Variants in GPBP1 observed in about 807,000 individuals in gnomAD.
GPBP1 encodes vasculin.
Under a neutral mutation model 56.5 loss-of-function variants are expected in GPBP1, and 13 were observed. The observed-to-expected ratio is 0.23, with a 90% CI of 0.15 to 0.37. The LOEUF is 0.37. Ranked by LOEUF, GPBP1 falls within the 10% of genes least tolerant of loss-of-function variation. The pLI is 1.00. For synonymous variants in GPBP1, 204 were observed against 188.9 expected, an observed-to-expected ratio of 1.08 and a Z score of -0.66; for missense variants, 477 against 572.3, an observed-to-expected ratio of 0.83 and a Z score of 1.70.
chr5:57,247,994 C>T (rs1379665944), intron 8 of GPBP1, among the ~76,000 whole-genome samples: 5 of 152,178 alleles, frequency 3.3e-5, no homozygotes, highest in Non-Finnish European at 4.4e-5. Flanking sequence ...CCTCTCTCCT[C>T]AGCTTCCCAG....
chr5:57,229,334 T>C (rs1399813945), intron 3 of GPBP1, among the ~76,000 whole-genome samples: 2 of 151,474 alleles, frequency 1.3e-5, no homozygotes, highest in Admixed American at 1.3e-4. Context: ...GGTGCCAGCT[T>C]TGTTCTAATC....
intron 10 of GPBP1, 64 bp downstream of exon 10, chr5:57,251,205 T>C: frequency 7.4e-7 from 1 of 1,348,504 alleles, no homozygotes; most frequent in Non-Finnish European, 1.0e-6. Flanking sequence ...TATTATAGAG[T>C]TTTTACGTGA....
At chr5:57,232,022 TG>T (rs1181966028) in intron 5 of GPBP1, among the ~76,000 whole-genome samples, 1 of 151,848 alleles carries the variant, frequency 6.6e-6, no homozygotes, top group Non-Finnish European at 1.5e-5. Flanking sequence ...TGTATCAGGG[TG>T]GGGGGTGGTG....
rs1389649452 is a variant in GPBP1 at position 57,205,629 on chromosome 5, G to A, written c.-57-8445G>A. On this transcript the variant is annotated intron_variant, in intron 2 of 11. Coordinates refer to ENST00000506184, the MANE Select transcript of GPBP1 (RefSeq NM_022913.4). ...TGATTATAGCCATTCTAGTGGGAGCGAAGTAGTATTTCATTGTGGTTTTGA... is the reference window on the plus strand; with the variant it reads ...TGATTATAGCCATTCTAGTGGGAGCAAAGTAGTATTTCATTGTGGTTTTGA... Among the ~76,000 whole-genome samples, 4 of 150,390 alleles carry A rather than the reference G, an allele frequency of 2.7e-5. No homozygotes were observed. In the South Asian group the frequency reaches 8.4e-4, roughly 32 times the overall value.
At chr5:57,221,385 A>C (rs1024151324) in intron 3 of GPBP1, 1 of 1,529,686 alleles carries the variant, frequency 6.5e-7, no homozygotes, top group Non-Finnish European at 8.9e-7. Flanking sequence ...GGTCCTGACC[A>C]GCAGTTTGAA....
rs908236698 is a variant in GPBP1, at chr5:57,264,329, G to A, written c.*1577G>A. Reference sequence around the variant, plus strand: ...AGAATTAGCCACAGGAGAATGTAAAGCATGCTTTGACGAAGCTATCGGTAA... The same window carrying A: ...AGAATTAGCCACAGGAGAATGTAAAACATGCTTTGACGAAGCTATCGGTAA... On this transcript the variant is annotated 3_prime_UTR_variant, in exon 12 of 12. Coordinates refer to ENST00000506184, the MANE Select transcript of GPBP1 (RefSeq NM_022913.4). 2 of 152,158 alleles carry A rather than the reference G, an allele frequency of 1.3e-5. No individual in the cohort carries two copies. The highest frequency in any genetic ancestry group is 4.8e-5 in the African/African-American group (2 of 41,446). 9.4% of individuals were successfully genotyped at this position (152,158 alleles called of 1,614,324 possible).
intron 6 of GPBP1, 103 bp downstream of exon 6, chr5:57,236,135 T>C: frequency 2.7e-6 from 2 of 747,480 alleles, no homozygotes; most frequent in Non-Finnish European, 4.5e-6. Flanking sequence ...AATAAAACTT[T>C]CTTTTTAAAG....
At chr5:57,186,649 G>A (rs4540131) in intron 2 of GPBP1, among the ~76,000 whole-genome samples, 6 of 152,066 alleles carry the variant, frequency 3.9e-5, no homozygotes, top group Non-Finnish European at 7.4e-5. Context: ...ACAGGTCTCT[G>A]CAGCTTTGAC....
At chr5:57,236,772 T>C (rs1437123496) in intron 6 of GPBP1, among the ~76,000 whole-genome samples, 1 of 152,176 alleles carries the variant, frequency 6.6e-6, no homozygotes, top group Admixed American at 6.5e-5. Context: ...AATTAATCAT[T>C]TGATACTAAA....
intron 2 of GPBP1, among the ~76,000 whole-genome samples, chr5:57,210,291 A>G (rs1458968410): frequency 2.6e-5 from 4 of 152,050 alleles, no homozygotes; most frequent in African/African-American, 7.2e-5. Flanking sequence ...TTTATTCTTC[A>G]TGGATGTCGT....
chr5:57,181,484 G>A (rs1440407198), intron 2 of GPBP1, among the ~76,000 whole-genome samples: 1 of 151,964 alleles, frequency 6.6e-6, no homozygotes, highest in African/African-American at 2.4e-5. Context: ...TTAAAAAAGG[G>A]GTGAGGGGGC....
At position 57,254,463 on chromosome 5, in the gene GPBP1, G is replaced by A. The variant is rs187172446; in HGVS notation, c.1160+3322G>A. Among the ~76,000 whole-genome samples, 256 of 152,268 alleles carry A rather than the reference G, an allele frequency of 1.7e-3. 3 individuals carry two copies. The highest frequency in any genetic ancestry group is 0.013 in the Admixed American group (203 of 15,288). On this transcript the variant is annotated intron_variant, in intron 10 of 11. Transcript: ENST00000506184. ...TAATCCCAGCACTTTGGAAGGCTAA[G>A]GTGGGTGGGTCACTTGAGGTCAGGA...
intron 2 of GPBP1, among the ~76,000 whole-genome samples, chr5:57,185,891 C>T (rs1248666118): frequency 1.3e-5 from 2 of 151,352 alleles, no homozygotes; most frequent in African/African-American, 4.9e-5. Flanking sequence ...GTCCCACCTA[C>T]TGCAGAGGCT....
intron 3 of GPBP1, among the ~76,000 whole-genome samples, chr5:57,217,512 G>A (rs906087357): frequency 3.3e-5 from 5 of 151,216 alleles, no homozygotes; most frequent in Middle Eastern, 3.5e-3. Flanking sequence ...TGGAGGTTGT[G>A]GTGAGCCGAG....
At chr5:57,210,721 T>C (rs1755440208) in intron 2 of GPBP1, among the ~76,000 whole-genome samples, 2 of 152,126 alleles carry the variant, frequency 1.3e-5, no homozygotes, top group Non-Finnish European at 2.9e-5. Context: ...ATTTTCTCAG[T>C]TTTGGAGGTT....
intron 3 of GPBP1, among the ~76,000 whole-genome samples, chr5:57,225,793 C>T (rs1245190325): frequency 6.6e-6 from 1 of 152,158 alleles, no homozygotes; most frequent in South Asian, 2.1e-4. Flanking sequence ...TCACCTCTGT[C>T]CACATGCTTT....
intron 2 of GPBP1, among the ~76,000 whole-genome samples, chr5:57,192,730 G>A (rs900865369): frequency 6.2e-5 from 8 of 129,030 alleles, no homozygotes; most frequent in Non-Finnish European, 1.1e-4. Flanking sequence ...TCCGGTCTGG[G>A]CAACGAGAGC....
At chr5:57,193,613 CAAA>C (rs1194542329) in intron 2 of GPBP1, among the ~76,000 whole-genome samples, 4 of 61,520 alleles carry the variant, frequency 6.5e-5, no homozygotes, top group Non-Finnish European at 3.5e-5. Context: ...GACCCTGTCT[CAAA>C]AAAAAAAAAA....
At chr5:57,228,252 C>T (rs1012607191) in intron 3 of GPBP1, among the ~76,000 whole-genome samples, 6 of 152,090 alleles carry the variant, frequency 3.9e-5, no homozygotes, top group Non-Finnish European at 7.4e-5. Flanking sequence ...GTCAGGAGTT[C>T]GAGACCAGCC....
Sources: allele counts gnomAD v4.1 joint callset (sites outside exome capture counted in the v4.1 genomes callset), GRCh38; gene constraint gnomAD v4.1.1; transcripts MANE v1.5; gene names NCBI Gene and HGNC (gene_info 2026-07-23, HGNC 2026-07-21).